The following GXYLT2 variants were observed in gnomAD, a reference collection of about 807,000 sequenced individuals.
GXYLT2 encodes the protein glucoside xylosyltransferase 2.
A neutral mutation model predicts 45.8 loss-of-function variants in GXYLT2; 53 were observed. The observed-to-expected ratio is 1.16, with a 90% confidence interval of 0.93 to 1.46. The LOEUF is 1.46. Ranked by LOEUF, GXYLT2 falls within the 40% of genes most tolerant of loss-of-function variation. GXYLT2 has a pLI of 0.00. For synonymous variants in GXYLT2, 219 were observed against 214.2 expected (o/e 1.02, Z -0.19); for missense variants, 551 against 544.4 (o/e 1.01, Z -0.12).
At chr3:72,974,430 T>C (rs1575822310) in intron 6 of GXYLT2, among the ~76,000 whole-genome samples, 2 of 152,306 alleles carry the variant, frequency 1.3e-5, no homozygotes, top group Non-Finnish European at 1.5e-5. Context: ...CTAAAGTTTC[T>C]TCATTAAGGT....
intron 3 of GXYLT2, among the ~76,000 whole-genome samples, chr3:72,935,204 A>G (rs1710153250): frequency 6.6e-6 from 1 of 152,222 alleles, no homozygotes; most frequent in Non-Finnish European, 1.5e-5. Flanking sequence ...ATGGGATTCT[A>G]TGTCAAGAAT....
intron 2 of GXYLT2, among the ~76,000 whole-genome samples, chr3:72,917,289 G>A (rs945912337): frequency 6.6e-6 from 1 of 151,946 alleles, no homozygotes; most frequent in Non-Finnish European, 1.5e-5. Flanking sequence ...GCTGTTGTGC[G>A]GTGGTACAAT....
At chr3:72,941,599 A>G (rs931898069) in intron 3 of GXYLT2, among the ~76,000 whole-genome samples, 24 of 152,138 alleles carry the variant, frequency 1.6e-4, no homozygotes, top group Non-Finnish European at 3.2e-4. Context: ...ACACCCTAGT[A>G]ATCTAAGCTC....
rs1443778413 is a variant in GXYLT2, at chr3:72,928,949, C to G, written c.600+6614C>G. ...CGGCCGGCCGCCCATAGCCAGTCCT[C>G]CGTCACCACTTCACCGCGCCCTCGG... On this transcript the variant is annotated intron_variant, in intron 3 of 6. Coordinates refer to ENST00000389617, the MANE Select transcript of GXYLT2 (RefSeq NM_001080393.2). 17 of 772,348 alleles carry G rather than the reference C, an allele frequency of 2.2e-5. No homozygotes were observed. In the Admixed American group the frequency reaches 3.1e-4, roughly 14 times the overall value. 47.8% of individuals were successfully genotyped at this position (772,348 alleles called of 1,614,324 possible). A position where few individuals can be genotyped will look rare whatever the true frequency, so the allele number is the denominator to read the frequency against.
intron 5 of GXYLT2, among the ~76,000 whole-genome samples, chr3:72,963,089 A>G (rs868417232): frequency 6.6e-6 from 1 of 152,094 alleles, no homozygotes; most frequent in South Asian, 2.1e-4. Context: ...AGCAGGGAGT[A>G]TTGCTTGAGG....
At chr3:72,964,848 G>T (rs1311700327) in intron 5 of GXYLT2, among the ~76,000 whole-genome samples, 3 of 152,186 alleles carry the variant, frequency 2.0e-5, no homozygotes, top group African/African-American at 7.2e-5. Context: ...GCTTAAACAA[G>T]ACAATGTAAA....
intron 6 of GXYLT2, among the ~76,000 whole-genome samples, chr3:72,968,539 A>C (rs891206988): frequency 6.6e-6 from 1 of 152,230 alleles, no homozygotes; most frequent in Non-Finnish European, 1.5e-5. Context: ...CTGACTCCCC[A>C]GTCTTCCATT....
chr3:72,894,035 C>T (rs925679953), intron 1 of GXYLT2, among the ~76,000 whole-genome samples: 12 of 152,080 alleles, frequency 7.9e-5, no homozygotes, highest in African/African-American at 2.9e-4. Context: ...GCCCAATCAG[C>T]CAGAAGGAAA....
intron 1 of GXYLT2, among the ~76,000 whole-genome samples, chr3:72,905,750 C>T (rs61028926): frequency 0.037 from 5,617 of 152,252 alleles, 347 homozygotes; most frequent in African/African-American, 0.13. Flanking sequence ...CCCCCACCAG[C>T]GCCTGAGCTG....
chr3:72,918,565 G>T (rs148430129), intron 2 of GXYLT2, among the ~76,000 whole-genome samples: 1 of 152,036 alleles, frequency 6.6e-6, no homozygotes, highest in South Asian at 2.1e-4. Context: ...TGGCTCATGC[G>T]TGTAATCCTA....
At chr3:72,956,433 G>A (rs1285705982) in intron 4 of GXYLT2, among the ~76,000 whole-genome samples, 1 of 152,102 alleles carries the variant, frequency 6.6e-6, no homozygotes, top group African/African-American at 2.4e-5. Context: ...TATTTTAAAA[G>A]TAAATCATTG....
intron 2 of GXYLT2, among the ~76,000 whole-genome samples, chr3:72,914,226 A>G (rs1487136014): frequency 1.3e-5 from 2 of 152,188 alleles, no homozygotes; most frequent in Non-Finnish European, 1.5e-5. Context: ...TTAAAGTTGC[A>G]TATGTACAGG....
intron 2 of GXYLT2, among the ~76,000 whole-genome samples, chr3:72,911,754 C>T (rs966802097): frequency 3.3e-5 from 5 of 151,984 alleles, no homozygotes; most frequent in Non-Finnish European, 5.9e-5. Flanking sequence ...TAAAATCATA[C>T]ATGTTTGTGG....
At chr3:72,969,429 A>G (rs892790280) in intron 6 of GXYLT2, among the ~76,000 whole-genome samples, 11 of 151,918 alleles carry the variant, frequency 7.2e-5, no homozygotes, top group African/African-American at 2.7e-4. Flanking sequence ...GAAGAAAACT[A>G]TATGAAATTC....
At chr3:72,906,777 T>G (rs1709518296) in intron 1 of GXYLT2, among the ~76,000 whole-genome samples, 1 of 152,198 alleles carries the variant, frequency 6.6e-6, no homozygotes, top group African/African-American at 2.4e-5. Context: ...TGTGGTCACC[T>G]GCACTGGAAG....
intron 1 of GXYLT2, among the ~76,000 whole-genome samples, chr3:72,901,124 AT>A (rs1362326194): frequency 6.6e-6 from 1 of 152,134 alleles, no homozygotes; most frequent in Non-Finnish European, 1.5e-5. Flanking sequence ...CCCCGTCTCT[AT>A]TAAAAATACA....
At position 72,937,723 on chromosome 3, in the gene GXYLT2, C is replaced by G. The variant is rs114763440; in HGVS notation, c.600+15388C>G. Among the ~76,000 whole-genome samples, 223 of 152,236 alleles carry G rather than the reference C, an allele frequency of 1.5e-3. 1 individual carries two copies. Among genetic ancestry groups the G allele is most frequent in the Non-Finnish European group, 2.7e-3 (186 of 68,018 alleles). ...CATTCCTAAAGTGTTCCCAAAATAC[C>G]TCCTTAGGAAAATTCCCCTGAACCT... On this transcript the variant is annotated intron_variant, in intron 3 of 6. Transcript: ENST00000389617.
chr3:72,946,136 G>T (rs912720233), intron 3 of GXYLT2, among the ~76,000 whole-genome samples: 1 of 151,756 alleles, frequency 6.6e-6, no homozygotes, highest in Non-Finnish European at 1.5e-5. Flanking sequence ...AATTAGCTAG[G>T]CCTGATGATA....
At chr3:72,954,193 C>T (rs1030789383) in intron 3 of GXYLT2, among the ~76,000 whole-genome samples, 5 of 151,938 alleles carry the variant, frequency 3.3e-5, no homozygotes, top group Non-Finnish European at 5.9e-5. Flanking sequence ...AACCTCCGCC[C>T]CCTCCCCGGG....
Sources: allele counts gnomAD v4.1 joint callset (sites outside exome capture counted in the v4.1 genomes callset), GRCh38; gene constraint gnomAD v4.1.1; transcripts MANE v1.5; gene names NCBI Gene and HGNC (gene_info 2026-07-23, HGNC 2026-07-21).